CEACAM20: variants seen among roughly 807,000 people sequenced by gnomAD.
CEACAM20 encodes the protein cell adhesion molecule CEACAM20.
Under a neutral mutation model 61.2 loss-of-function variants are expected in CEACAM20, and 50 were observed. That is an observed-to-expected ratio of 0.82 (90% confidence interval 0.65 to 1.03). The LOEUF (loss-of-function observed/expected upper bound fraction) is 1.03. Ranked by LOEUF, CEACAM20 falls within the 50% of genes least tolerant of loss-of-function variation. CEACAM20 has a pLI of 0.00. For synonymous variants in CEACAM20, 282 were observed against 287.7 expected, an observed-to-expected ratio of 0.98 and a Z score of 0.20; for missense variants, 683 against 736.4, an observed-to-expected ratio of 0.93 and a Z score of 0.84.
rs1178525326 is a variant in CEACAM20, at chr19:44,513,294, G to A, written c.1310-5C>T. ...ACAGGGAGGAGGACTGGGGACCTGG[G>A]CAAGGAGACAGAATCAAGACCCAGG... On this transcript the variant is annotated splice_polypyrimidine_tract_variant and splice_region_variant and intron_variant, in intron 6 of 11. Transcript: ENST00000614924. 4 of 1,599,280 alleles carry A rather than the reference G, an allele frequency of 2.5e-6. No homozygotes were observed. The highest frequency in any genetic ancestry group is 1.1e-5 in the South Asian group (1 of 90,660).
Position 44,508,398 on chromosome 19 carries a change from TTTTC to T in CEACAM20, c.1738-2188_1738-2185del, listed in dbSNP as rs557847148. 1.9e-3 allele frequency among the ~76,000 whole-genome samples: 284 copies of T among 152,308 alleles called. 2 individuals carry two copies. Among genetic ancestry groups the T allele is most frequent in the African/African-American group, 6.8e-3 (281 of 41,554 alleles). ...CTAATAGTTTTCTTCTTTTTTATTTTTTTCTTTCTGAGACAAGGTCTTGTTCTGT... is the reference window on the plus strand; with the variant it reads ...CTAATAGTTTTCTTCTTTTTTATTTTTTTCTGAGACAAGGTCTTGTTCTGT... On this transcript the variant is annotated intron_variant, in intron 11 of 11. Transcript: ENST00000614924.
At position 44,522,519 on chromosome 19, in the gene CEACAM20, T is replaced by G. The variant is rs115264683; in HGVS notation, c.751+115A>C. The G allele has an allele frequency of 2.9e-3, 3,231 of 1,099,004 alleles. 61 individuals carry two copies. The African/African-American group carries it at 0.044, about 15-fold the overall frequency. The allele number at this position is 1,099,004 out of a possible 1,614,324, so 68.1% of individuals were successfully genotyped here. ...ATGCAACTCAATGTCATGCAGGGAT[T>G]TCTCCCTCACACAGTATCCAAAGGC... On this transcript the variant is annotated intron_variant, in intron 4 of 11. Coordinates refer to ENST00000614924, the MANE Select transcript of CEACAM20 (RefSeq NM_001102597.3).
intron 11 of CEACAM20, among the ~76,000 whole-genome samples, chr19:44,506,630 T>C (rs1388374489): frequency 6.6e-6 from 1 of 152,216 alleles, no homozygotes; most frequent in Non-Finnish European, 1.5e-5. Flanking sequence ...GTGAGCTGCC[T>C]GTGGAGAGGG....
At chr19:44,511,984 A>C in intron 9 of CEACAM20, 33 bp downstream of exon 9, 1 of 1,588,224 alleles carries the variant, frequency 6.3e-7, no homozygotes, top group Non-Finnish European at 8.6e-7. Context: ...TGGTCAGGGG[A>C]TCAAGGAGGG....
intron 11 of CEACAM20, among the ~76,000 whole-genome samples, chr19:44,506,938 C>T (rs1970836088): frequency 6.6e-6 from 1 of 152,150 alleles, no homozygotes. Flanking sequence ...CAACTGATAA[C>T]TCTACACCCT....
Position 44,511,096 on chromosome 19 carries a change from G to T in CEACAM20, c.1671C>A (p.Pro557=), listed in dbSNP as rs748998231. The part of the protein sequence containing the change: ...GNSFSPWKPP[P]KPLMPPLRLV... ...ATCTGAGTGGGGGCATCAGAGGTTT[G>T]GGTGGTGGCTTCCAGGGGCTGAAAG... is the stretch of plus-strand genomic sequence containing the variant. Residue 557 remains proline (P), a synonymous_variant, in exon 11 of 12, where the codon CCC becomes CCA. Transcript: ENST00000614924. 23 of 1,613,874 alleles carry T rather than the reference G, an allele frequency of 1.4e-5. No individual in the cohort carries two copies. The African/African-American group carries it at 2.1e-4, about 15-fold the overall frequency.
At chr19:44,523,233 A>T (rs1971424068) in intron 3 of CEACAM20, among the ~76,000 whole-genome samples, 1 of 151,866 alleles carries the variant, frequency 6.6e-6, no homozygotes. Flanking sequence ...ACATACCAAG[A>T]TCCCATCTCT....
In CEACAM20 at chr19:44,528,140, CTTTCT is replaced by C. The variant is rs1223312472; in HGVS notation, c.52+1313_52+1317del. ...CTGTTTTTCCCACTGGTATCTCTTT[CTTTCT>C]TTTCTTTCTTTCTTTTCTTTCTTTC... On this transcript the variant is annotated intron_variant, in intron 1 of 11. Transcript: ENST00000614924. Among the ~76,000 whole-genome samples the C allele has an allele frequency of 6.8e-4, 88 of 129,772 alleles. 1 individual carries two copies. The highest frequency in any genetic ancestry group is 3.5e-3 in the Middle Eastern group (1 of 284). 85.1% of individuals were successfully genotyped at this position (129,772 alleles called of 152,430 possible).
intron 8 of CEACAM20, among the ~76,000 whole-genome samples, chr19:44,512,527 G>A (rs1456370165): frequency 6.6e-6 from 1 of 152,212 alleles, no homozygotes; most frequent in East Asian, 1.9e-4. Flanking sequence ...GCACTCTACT[G>A]AGATATGTTA....
In CEACAM20 at chr19:44,506,200, T is replaced by G. The variant is rs1274218501; in HGVS notation, c.1752A>C (p.Pro584=). ...TGATTTGGATGTAAGTGTTGGGCTC[T>G]GGATTCACAAGCTCCTGTTAAACAA... is the stretch of plus-strand genomic sequence containing the variant. The part of the protein sequence containing the change: ...MESIYEELVN[P]EPNTYIQINP... The change falls in exon 12 of 12, where the codon CCA becomes CCC. Residue 584 remains proline (P), a synonymous_variant. Coordinates refer to ENST00000614924, the MANE Select transcript of CEACAM20 (RefSeq NM_001102597.3). 4.3e-6 allele frequency: 7 copies of G among 1,613,736 alleles called. No individual in the cohort carries two copies. The highest frequency in any genetic ancestry group is 5.9e-6 in the Non-Finnish European group (7 of 1,179,810).
At chr19:44,521,840 G>A (rs1180172745) in intron 4 of CEACAM20, among the ~76,000 whole-genome samples, 1 of 152,080 alleles carries the variant, frequency 6.6e-6, no homozygotes, top group Non-Finnish European at 1.5e-5. Flanking sequence ...TGAGTGTGCT[G>A]TTCATGTGGG....
Position 44,517,194 on chromosome 19 carries a change from T to G in CEACAM20, c.1061A>C (p.Glu354Ala). The change falls in exon 6 of 12, where the codon GAG (glutamate) becomes GCG (alanine). Residue 354 changes from glutamate (E) to alanine (A), a missense_variant. Physicochemically the swap from Glu to Ala is moderately radical, Grantham distance 107. Coordinates refer to ENST00000614924, the MANE Select transcript of CEACAM20 (RefSeq NM_001102597.3). ...GGTGCTGATCATCTCAGATGCCGAC[T>G]CCCTGGTGATGTGCACTTGGTCAGG... ...YGPDQVHITR[E>A]SASEMISTIE... 6.2e-7 allele frequency: 1 copy of G among 1,609,172 alleles called. No individual in the cohort carries two copies.
intron 11 of CEACAM20, among the ~76,000 whole-genome samples, chr19:44,506,715 G>A (rs957867058): frequency 6.6e-6 from 1 of 152,216 alleles, no homozygotes; most frequent in Non-Finnish European, 1.5e-5. Context: ...CAGCCTGCAA[G>A]GAACTGAATG....
At chr19:44,516,905 G>A (rs1343927933) in intron 6 of CEACAM20, 41 bp downstream of exon 6, 7 of 1,561,964 alleles carry the variant, frequency 4.5e-6, no homozygotes, top group African/African-American at 1.4e-5. Flanking sequence ...ATCAGGAAAG[G>A]CCCCTCGGGT....
At chr19:44,519,329 C>T (rs796125038) in intron 5 of CEACAM20, among the ~76,000 whole-genome samples, 12 of 152,298 alleles carry the variant, frequency 7.9e-5, no homozygotes, top group African/African-American at 2.9e-4. Flanking sequence ...ATCAAATGCC[C>T]AACATGTTGC....
chr19:44,520,622 G>A lies in CEACAM20; in HGVS notation c.882C>T (p.Leu294=), dbSNP rs1380689485. Residue 294 remains leucine, a synonymous_variant, in exon 5 of 12, where the codon CTC becomes CTT. Coordinates refer to ENST00000614924, the MANE Select transcript of CEACAM20 (RefSeq NM_001102597.3). ...NVQWFLSGQP[L]LPSEHLQLSA... ...ACAGCTGCAGGTGCTCACTGGGCAG[G>A]AGGGGCTGGCCACTTAGGAACCACT... 1 of 1,613,912 alleles carries A rather than the reference G, an allele frequency of 6.2e-7. No individual in the cohort carries two copies. Among genetic ancestry groups the A allele is most frequent in the Non-Finnish European group, 8.5e-7 (1 of 1,179,896 alleles).
chr19:44,528,068 CT>C (rs1737364318), intron 1 of CEACAM20, among the ~76,000 whole-genome samples: 1 of 152,046 alleles, frequency 6.6e-6, no homozygotes, highest in African/African-American at 2.4e-5. Context: ...TTACCCAGTT[CT>C]TTCCCTGTCT....
At chr19:44,523,928 C>T (rs546372558) in intron 3 of CEACAM20, 58 bp downstream of exon 3, 26 of 1,489,222 alleles carry the variant, frequency 1.7e-5, no homozygotes, top group African/African-American at 9.7e-5. Flanking sequence ...TGAGACTGAA[C>T]GAGGCACTAA....
chr19:44,514,346 C>A (rs576006246), intron 6 of CEACAM20, among the ~76,000 whole-genome samples: 2 of 152,254 alleles, frequency 1.3e-5, no homozygotes, highest in East Asian at 3.9e-4. Context: ...GAGTTAAGAA[C>A]ACAGCTACAA....
Sources: allele counts gnomAD v4.1 joint callset (sites outside exome capture counted in the v4.1 genomes callset), GRCh38; gene constraint gnomAD v4.1.1; transcripts MANE v1.5; gene names NCBI Gene and HGNC (gene_info 2026-07-23, HGNC 2026-07-21).